The following KLHL18 variants were observed in gnomAD, a reference collection of about 807,000 sequenced individuals.
KLHL18 encodes kelch-like protein 18.
KLHL18 carries 38 observed loss-of-function variants against 58.5 expected under a neutral mutation model. The observed-to-expected ratio is 0.65, with a 90% CI of 0.50 to 0.85. The LOEUF is 0.85. Among genes scored for constraint, KLHL18 ranks in the 40% least tolerant of loss-of-function variants. KLHL18 has a pLI of 0.00. For synonymous variants in KLHL18, 303 were observed against 301.9 expected (o/e 1.00, Z -0.04); for missense variants, 624 against 778.4 (o/e 0.80, Z 2.36).
chr3:47,301,439 T>C (rs772994641), intron 1 of KLHL18, among the ~76,000 whole-genome samples: 5 of 152,220 alleles, frequency 3.3e-5, no homozygotes, highest in Non-Finnish European at 5.9e-5. Flanking sequence ...TTTTTGCATA[T>C]GGATATCCAG....
chr3:47,286,734 C>G (rs528164841), intron 1 of KLHL18, among the ~76,000 whole-genome samples: 1 of 152,050 alleles, frequency 6.6e-6, no homozygotes, highest in Non-Finnish European at 1.5e-5. Flanking sequence ...GGGATGTGTT[C>G]AAAGTCCGTA....
chr3:47,329,256 C>T (rs1417280798), intron 3 of KLHL18, among the ~76,000 whole-genome samples: 2 of 151,872 alleles, frequency 1.3e-5, no homozygotes, highest in Non-Finnish European at 2.9e-5. Context: ...GAGACGGAGT[C>T]TTGCTCTGTC....
intron 4 of KLHL18, among the ~76,000 whole-genome samples, chr3:47,332,668 G>A (rs1703892223): frequency 6.6e-6 from 1 of 151,842 alleles, no homozygotes; most frequent in African/African-American, 2.4e-5. Flanking sequence ...TAGAGGGAGA[G>A]GTCCTTGTGG....
intron 1 of KLHL18, among the ~76,000 whole-genome samples, chr3:47,314,251 T>A (rs1703371985): frequency 6.6e-6 from 1 of 152,004 alleles, no homozygotes; most frequent in Admixed American, 6.6e-5. Flanking sequence ...CTTCCCACCT[T>A]AGCATCCCAA....
At chr3:47,323,931 C>G (rs975177531) in intron 3 of KLHL18, among the ~76,000 whole-genome samples, 2 of 152,200 alleles carry the variant, frequency 1.3e-5, no homozygotes, top group African/African-American at 2.4e-5. Flanking sequence ...CCTGCCCACA[C>G]GGTGCTCATG....
intron 1 of KLHL18, among the ~76,000 whole-genome samples, chr3:47,297,339 CTCTG>C (rs1414673224): frequency 6.6e-6 from 1 of 152,210 alleles, no homozygotes; most frequent in African/African-American, 2.4e-5. Context: ...ACCTGTGTCT[CTCTG>C]TCCGTATTCT....
chr3:47,309,287 A>C (rs1194916431), intron 1 of KLHL18, among the ~76,000 whole-genome samples: 1 of 152,044 alleles, frequency 6.6e-6, no homozygotes, highest in Non-Finnish European at 1.5e-5. Flanking sequence ...TGTTGGGTAC[A>C]CCTCCCAGAC....
chr3:47,322,622 G>A lies in KLHL18; in HGVS notation c.315G>A (p.Gln105=), dbSNP rs760388430. The A allele has an allele frequency of 1.2e-6, 2 of 1,605,330 alleles. No homozygotes were observed. The highest frequency in any genetic ancestry group is 2.2e-5 in the South Asian group (2 of 89,032). ...ACAACGGCAACCTTGCCATTGACCA[G>A]CAAAATGTCCAGTCATTGCTGATGG... is the stretch of plus-strand genomic sequence containing the variant. ...FAYNGNLAID[Q]QNVQSLLMGA... The change falls in exon 3 of 10, where the codon CAG becomes CAA. Residue 105 remains glutamine (Q), a synonymous_variant. Transcript: ENST00000232766.
chr3:47,325,264 C>A (rs985188812), intron 3 of KLHL18, among the ~76,000 whole-genome samples: 10 of 152,056 alleles, frequency 6.6e-5, no homozygotes, highest in Non-Finnish European at 1.3e-4. Flanking sequence ...GTGGCGCGAT[C>A]TTGGCTCACT....
chr3:47,292,871 C>A (rs1702818305), intron 1 of KLHL18, among the ~76,000 whole-genome samples: 1 of 147,194 alleles, frequency 6.8e-6, no homozygotes, highest in African/African-American at 2.5e-5. Flanking sequence ...TATACCACTG[C>A]ACTTCAGCCT....
intron 4 of KLHL18, among the ~76,000 whole-genome samples, chr3:47,331,794 G>GT (rs1703869572): frequency 6.6e-6 from 1 of 150,964 alleles, no homozygotes; most frequent in Admixed American, 6.6e-5. Context: ...GCTGTTGGGA[G>GT]TTTTCCAGAA....
In KLHL18 at chr3:47,337,027, A is replaced by G. The variant is rs1372042465; in HGVS notation, c.1121+270A>G. ...ATTTTAAGTGCCAGATAAGGACTGG[A>G]AATGTGTATTATGGAAGATTCGAAG... is the stretch of plus-strand genomic sequence containing the variant. On this transcript the variant is annotated intron_variant, in intron 7 of 9. Transcript: ENST00000232766. 6.8e-6 allele frequency: 3 copies of G among 438,672 alleles called. No homozygotes were observed. The Admixed American group carries it at 1.2e-4, about 17-fold the overall frequency. The allele number at this position is 438,672 out of a possible 1,614,324, so 27.2% of individuals were successfully genotyped here.
At chr3:47,342,649 C>A in intron 8 of KLHL18, 70 bp from the exon 9 acceptor site, 1 of 1,275,464 alleles carries the variant, frequency 7.8e-7, no homozygotes, top group Non-Finnish European at 1.1e-6. Flanking sequence ...CTAAACCCTG[C>A]TAGGCTGTCT....
chr3:47,327,786 A>G (rs1479197813), intron 3 of KLHL18, among the ~76,000 whole-genome samples: 1 of 152,246 alleles, frequency 6.6e-6, no homozygotes, highest in Non-Finnish European at 1.5e-5. Context: ...CCAGGCTCCA[A>G]GGTACCTTGC....
At chr3:47,336,316 TA>T (rs1297449346) in intron 6 of KLHL18, among the ~76,000 whole-genome samples, 1 of 152,210 alleles carries the variant, frequency 6.6e-6, no homozygotes, top group African/African-American at 2.4e-5. Flanking sequence ...CTACCCTCTC[TA>T]AAAAATAAAT....
chr3:47,284,430 G>A (rs1702614399), intron 1 of KLHL18, among the ~76,000 whole-genome samples: 1 of 149,354 alleles, frequency 6.7e-6, no homozygotes, highest in African/African-American at 2.5e-5. Flanking sequence ...CTCTCTCCTG[G>A]GTTCAAGCGA....
chr3:47,307,230 C>T, intron 1 of KLHL18, among the ~76,000 whole-genome samples: 1 of 152,212 alleles, frequency 6.6e-6, no homozygotes, highest in East Asian at 1.9e-4. Context: ...TGCCACCACA[C>T]GTGGCTAATT....
chr3:47,305,235 G>A (rs184656394), intron 1 of KLHL18, among the ~76,000 whole-genome samples: 3 of 151,288 alleles, frequency 2.0e-5, no homozygotes, highest in Admixed American at 1.3e-4. Context: ...TAGAATACTA[G>A]AAGTTTTTTG....
In KLHL18 at chr3:47,345,968, G is replaced by T. The variant is rs534376583; in HGVS notation, c.*2027G>T. The T allele has an allele frequency of 1.4e-4, 21 of 152,668 alleles. No individual in the cohort carries two copies. Among genetic ancestry groups the T allele is most frequent in the African/African-American group, 5.1e-4 (21 of 41,544 alleles). The allele number at this position is 152,668 out of a possible 1,614,324, so 9.5% of individuals were successfully genotyped here. A position where few individuals can be genotyped will look rare whatever the true frequency, so the allele number is the denominator to read the frequency against. On this transcript the variant is annotated 3_prime_UTR_variant, in exon 10 of 10. Transcript: ENST00000232766. ...TCGTTTAACCTGGGCTCGTGGTAGG[G>T]CTCCAGCATTTCTCCCTCCTTCCTG...
Sources: gnomAD v4.1 joint callset for allele counts (sites outside exome capture counted in the v4.1 genomes callset) on GRCh38, gnomAD v4.1.1 for gene constraint, MANE v1.5 for transcripts, NCBI Gene and HGNC (gene_info 2026-07-23, HGNC 2026-07-21) for gene names.